The following PCBP3 variants were observed in gnomAD, a reference collection of about 807,000 sequenced individuals.
PCBP3 encodes poly(rC) binding protein 3.
In PCBP3, 25 loss-of-function variants were observed where a neutral mutation model predicts 52.7. The observed-to-expected ratio is 0.47, with a 90% confidence interval of 0.35 to 0.66. The LOEUF is 0.66. Ranked by LOEUF, PCBP3 falls within the 30% of genes least tolerant of loss-of-function variation. The pLI is 0.01. For missense variants in PCBP3, 391 were observed against 490.3 expected, an observed-to-expected ratio of 0.80 and a Z score of 1.91; for synonymous variants, 162 against 183.0, an observed-to-expected ratio of 0.89 and a Z score of 0.93.
Position 45,802,515 on chromosome 21 carries a change from C to T in PCBP3, c.-126+47063C>T, listed in dbSNP as rs1243962146. On this transcript the variant is annotated intron_variant, in intron 4 of 17. Coordinates refer to ENST00000681687, the MANE Select transcript of PCBP3 (RefSeq NM_001384156.1). The surrounding 1 kb of genome is among the most constrained non-coding windows in gnomAD (Gnocchi z 5.1). ...CGTGGCCCAGAGGGCTCTGCAGAGA[C>T]GGCTCTGAGAGCAAAAGTGAGCCAT... is the stretch of plus-strand genomic sequence containing the variant. Among the ~76,000 whole-genome samples the T allele has an allele frequency of 1.3e-5, 2 of 152,188 alleles. No individual in the cohort carries two copies. The highest frequency in any genetic ancestry group is 2.4e-5 in the African/African-American group (1 of 41,424).
At position 45,742,721 on chromosome 21, in the gene PCBP3, CT is replaced by C. The variant is rs1242572835; in HGVS notation, c.-162+7297del. Among the ~76,000 whole-genome samples, 5 of 152,214 alleles carry C rather than the reference CT, an allele frequency of 3.3e-5. No individual in the cohort carries two copies. The South Asian group carries it at 1.0e-3, about 32-fold the overall frequency. On this transcript the variant is annotated intron_variant, in intron 3 of 17. Transcript: ENST00000681687. ...ATTTTTCTAATGATTCATGCTGCAA[CT>C]TTTTATGTATGTGTACCACATATGA...
chr21:45,743,349 C>G (rs1267361421), intron 3 of PCBP3, among the ~76,000 whole-genome samples: 1 of 152,186 alleles, frequency 6.6e-6, no homozygotes, highest in African/African-American at 2.4e-5. Flanking sequence ...CTCCCTGTAG[C>G]TCTCTGGTAT....
intron 1 of PCBP3, among the ~76,000 whole-genome samples, chr21:45,649,356 G>A (rs2079532061): frequency 6.6e-6 from 1 of 152,134 alleles, no homozygotes; most frequent in South Asian, 2.1e-4. Flanking sequence ...TTTGGTTGGG[G>A]ACACAGCCAA....
Position 45,725,104 on chromosome 21 carries a change from G to A in PCBP3, c.-199-10288G>A, listed in dbSNP as rs146421828. Among the ~76,000 whole-genome samples, 200 of 152,232 alleles carry A rather than the reference G, an allele frequency of 1.3e-3. 2 individuals carry two copies. The highest frequency in any genetic ancestry group is 4.3e-3 in the African/African-American group (180 of 41,516). On this transcript the variant is annotated intron_variant, in intron 2 of 17. Coordinates refer to ENST00000681687, the MANE Select transcript of PCBP3 (RefSeq NM_001384156.1). ...CTTATGAAGAAATTCTGTCGTGGCT[G>A]TGTGATTTCCCCTGCGATGCTAGGA...
At chr21:45,934,047 C>G (rs1349456790) in intron 15 of PCBP3, among the ~76,000 whole-genome samples, 1 of 152,110 alleles carries the variant, frequency 6.6e-6, no homozygotes, top group African/African-American at 2.4e-5. Flanking sequence ...CCCCTCTGGT[C>G]TGTCTGGAAC....
At chr21:45,661,987 T>A (rs996552889) in intron 1 of PCBP3, among the ~76,000 whole-genome samples, 2 of 152,190 alleles carry the variant, frequency 1.3e-5, no homozygotes, top group African/African-American at 4.8e-5. Context: ...GGGGTTATTT[T>A]TTTTTCTTGT....
intron 4 of PCBP3, among the ~76,000 whole-genome samples, chr21:45,770,687 A>G (rs2089792524): frequency 1.3e-5 from 2 of 152,236 alleles, no homozygotes; most frequent in South Asian, 4.1e-4. Flanking sequence ...TGAAAGTAGC[A>G]GGAGGCAGAG....
chr21:45,758,989 C>A (rs574651796), intron 4 of PCBP3, among the ~76,000 whole-genome samples: 4 of 152,080 alleles, frequency 2.6e-5, no homozygotes, highest in Non-Finnish European at 5.9e-5. Context: ...TATATAATGG[C>A]AAATTACTTT....
At chr21:45,681,198 TA>T (rs1180525966) in intron 2 of PCBP3, among the ~76,000 whole-genome samples, 3 of 152,228 alleles carry the variant, frequency 2.0e-5, no homozygotes, top group Non-Finnish European at 4.4e-5. Context: ...TTCAGCACAT[TA>T]ATTTTAGGGG....
At chr21:45,902,657 G>A (rs753364093) in intron 9 of PCBP3, among the ~76,000 whole-genome samples, 5 of 152,238 alleles carry the variant, frequency 3.3e-5, no homozygotes, top group Non-Finnish European at 7.3e-5. Flanking sequence ...CCCAACCCAA[G>A]GCAAGAGGAC....
chr21:45,782,686 C>G (rs1352092493), intron 4 of PCBP3, among the ~76,000 whole-genome samples: 4 of 152,184 alleles, frequency 2.6e-5, no homozygotes, highest in Non-Finnish European at 5.9e-5. Flanking sequence ...CATGAAACAG[C>G]CTACCCTGAA....
chr21:45,855,062 G>C (rs2094218332), intron 5 of PCBP3, among the ~76,000 whole-genome samples: 1 of 152,144 alleles, frequency 6.6e-6, no homozygotes, highest in African/African-American at 2.4e-5. Flanking sequence ...GGCGACAATA[G>C]TGGTGCCAGG....
chr21:45,880,071 TG>T lies in PCBP3; in HGVS notation c.11-16136del, dbSNP rs1438658835. Among the ~76,000 whole-genome samples, 1 of 152,218 alleles carries T rather than the reference TG, an allele frequency of 6.6e-6. No individual in the cohort carries two copies. The highest frequency in any genetic ancestry group is 2.1e-4 in the South Asian group (1 of 4,828). On this transcript the variant is annotated intron_variant, in intron 5 of 17. Transcript: ENST00000681687. The surrounding 1 kb of genome is among the most constrained non-coding windows in gnomAD (Gnocchi z 5.4). ...GTGGCAGTTCTCTGCTGTCTGCGTT[TG>T]TTGTGTGGCGTGAGAGTCCATCCTG...
chr21:45,700,351 T>C (rs551897970), intron 2 of PCBP3, among the ~76,000 whole-genome samples: 1 of 152,314 alleles, frequency 6.6e-6, no homozygotes, highest in South Asian at 2.1e-4. Context: ...CTAATAATGA[T>C]CTGGAAACTG....
chr21:45,819,700 G>A (rs902846847), intron 4 of PCBP3, among the ~76,000 whole-genome samples: 2 of 152,228 alleles, frequency 1.3e-5, no homozygotes, highest in Non-Finnish European at 2.9e-5. Context: ...GACTGTACTT[G>A]GCCTTTTCTG....
At chr21:45,744,212 C>A (rs1284358996) in intron 3 of PCBP3, 1 of 151,524 alleles carries the variant, frequency 6.6e-6, no homozygotes, top group African/African-American at 2.4e-5. Flanking sequence ...TTTAATTTTT[C>A]TTTTTATTAT....
chr21:45,935,272 G>A lies in PCBP3; in HGVS notation c.876G>A (p.Pro292=), dbSNP rs576585779. ...GQSSGLDASP[P]ASTHELTIPN... ...ACCCAGGTCTGGACGCCAGCCCACCGGCCAGCACTCATGAGCTCACCATTC... is the reference window on the plus strand; with the variant it reads ...ACCCAGGTCTGGACGCCAGCCCACCAGCCAGCACTCATGAGCTCACCATTC... The change falls in exon 16 of 18, where the codon CCG becomes CCA. Residue 292 remains proline, a synonymous_variant. Transcript: ENST00000681687. 4.2e-5 allele frequency: 68 copies of A among 1,613,086 alleles called. No individual in the cohort carries two copies. The South Asian group carries it at 5.1e-4, about 12-fold the overall frequency.
intron 1 of PCBP3, among the ~76,000 whole-genome samples, chr21:45,654,794 CATG>C (rs1178527271): frequency 6.6e-6 from 1 of 152,114 alleles, no homozygotes; most frequent in East Asian, 1.9e-4. Context: ...TTTTCAAGGT[CATG>C]CAACTGTCAT....
chr21:45,931,693 C>G (rs7282462), intron 15 of PCBP3, among the ~76,000 whole-genome samples: 199 of 135,688 alleles, frequency 1.5e-3, no homozygotes, highest in African/African-American at 5.7e-3. Flanking sequence ...ACAAACACGT[C>G]GGCCATGCTG....
Sources: gnomAD v4.1 joint callset for allele counts (sites outside exome capture counted in the v4.1 genomes callset) on GRCh38, gnomAD v4.1.1 for gene constraint, Gnocchi (gnomAD v3.1) non-coding constraint, MANE v1.5 for transcripts, NCBI Gene and HGNC (gene_info 2026-07-23, HGNC 2026-07-21) for gene names.